The following WDR59 variants were observed in gnomAD, a reference collection of about 807,000 sequenced individuals.
The protein encoded by WDR59 is WD repeat domain 59, also known as GATOR2 complex protein WDR59.
In WDR59, 100 loss-of-function variants were observed where a neutral mutation model predicts 131.2. The observed-to-expected ratio is 0.76, with a 90% CI of 0.65 to 0.90. The LOEUF is 0.90. WDR59 is among the 40% of genes least tolerant of loss of function. The pLI is 0.00. For missense variants in WDR59, 1,203 were observed against 1,262.2 expected (o/e 0.95, Z 0.71); for synonymous variants, 601 against 466.2 (o/e 1.29, Z -3.72).
intron 18 of WDR59, among the ~76,000 whole-genome samples, chr16:74,896,851 GC>G (rs1965319495): frequency 6.6e-6 from 1 of 152,020 alleles, no homozygotes; most frequent in African/African-American, 2.4e-5. Flanking sequence ...GCTAGTATAA[GC>G]CTCACTTACG....
At chr16:74,927,134 C>G (rs1442801896) in intron 8 of WDR59, among the ~76,000 whole-genome samples, 1 of 151,988 alleles carries the variant, frequency 6.6e-6, no homozygotes, top group African/African-American at 2.4e-5. Context: ...CATTTCTGAG[C>G]AGAAGTGTTA....
At chr16:74,937,615 T>A (rs1266496654) in intron 8 of WDR59, among the ~76,000 whole-genome samples, 2 of 152,072 alleles carry the variant, frequency 1.3e-5, no homozygotes, top group Non-Finnish European at 2.9e-5. Context: ...GATTCTTGTG[T>A]CTCAGCCTCC....
At chr16:74,965,690 G>A (rs2033741866) in intron 2 of WDR59, 83 bp downstream of exon 2, 3 of 1,514,272 alleles carry the variant, frequency 2.0e-6, no homozygotes, top group Admixed American at 1.7e-5. Context: ...GTAAATATAA[G>A]AATAGCTTCC....
intron 1 of WDR59, among the ~76,000 whole-genome samples, chr16:74,979,335 G>A (rs1307191629): frequency 2.0e-5 from 3 of 151,720 alleles, no homozygotes; most frequent in Non-Finnish European, 2.9e-5. Flanking sequence ...GCATGGTGGC[G>A]GGCGCCTGTA....
intron 2 of WDR59, chr16:74,959,396 T>C (rs531655427): frequency 1.7e-4 from 59 of 338,092 alleles, no homozygotes; most frequent in African/African-American, 1.2e-3. Context: ...TGCCAGTCGC[T>C]CTTTAGCATT....
intron 17 of WDR59, among the ~76,000 whole-genome samples, chr16:74,906,041 G>A (rs1037339959): frequency 6.6e-5 from 10 of 151,666 alleles, no homozygotes; most frequent in African/African-American, 9.7e-5. Flanking sequence ...ACGGCCGGGC[G>A]CGGTGGCTCA....
At chr16:74,971,425 CCT>C (rs2033977220) in intron 1 of WDR59, among the ~76,000 whole-genome samples, 6 of 136,200 alleles carry the variant, frequency 4.4e-5, no homozygotes, top group African/African-American at 1.8e-4. Context: ...TTCTTTCCTT[CCT>C]TTTTTTTTTT....
At chr16:74,885,465 A>C (rs1298728691) in intron 25 of WDR59, among the ~76,000 whole-genome samples, 188 bp downstream of exon 25, 1 of 151,300 alleles carries the variant, frequency 6.6e-6, no homozygotes, top group African/African-American at 2.4e-5. Context: ...AAAAAAAAAA[A>C]AAAAAAAAAA....
chr16:74,965,655 G>A, intron 2 of WDR59, 118 bp downstream of exon 2: 1 of 1,264,180 alleles, frequency 7.9e-7, no homozygotes, highest in Non-Finnish European at 1.1e-6. Flanking sequence ...CAGGATATCA[G>A]AACTAAACCC....
intron 1 of WDR59, among the ~76,000 whole-genome samples, chr16:74,977,915 G>C (rs1429728964): frequency 6.6e-6 from 1 of 152,108 alleles, no homozygotes; most frequent in East Asian, 1.9e-4. Context: ...ACTAGGCTAA[G>C]CAAAAGACGC....
At chr16:74,978,344 G>A (rs111853426) in intron 1 of WDR59, among the ~76,000 whole-genome samples, 3,775 of 109,300 alleles carry the variant, frequency 0.035, 150 homozygotes, top group Admixed American at 0.11. Context: ...AAAAAAAAAA[G>A]AGCCAGGCCT....
intron 8 of WDR59, among the ~76,000 whole-genome samples, chr16:74,935,718 T>C (rs2031744449): frequency 6.6e-6 from 1 of 152,126 alleles, no homozygotes; most frequent in African/African-American, 2.4e-5. Context: ...GATCATGCTA[T>C]TTACATACAT....
At chr16:74,974,429 A>G (rs867502894) in intron 1 of WDR59, among the ~76,000 whole-genome samples, 2 of 152,076 alleles carry the variant, frequency 1.3e-5, no homozygotes, top group Non-Finnish European at 2.9e-5. Context: ...ACATATACCG[A>G]CCACTACGCT....
intron 18 of WDR59, among the ~76,000 whole-genome samples, chr16:74,903,501 A>G (rs1170499718): frequency 2.0e-5 from 3 of 151,982 alleles, no homozygotes; most frequent in Middle Eastern, 3.4e-3. Flanking sequence ...TAAAAAAAAA[A>G]ACAAAAAACC....
At chr16:74,883,378 G>A (rs113168339) in intron 25 of WDR59, among the ~76,000 whole-genome samples, 2,289 of 152,206 alleles carry the variant, frequency 0.015, 41 homozygotes, top group African/African-American at 0.05. Context: ...CCTGAGCCAC[G>A]TGAGGGTTCT....
intron 18 of WDR59, among the ~76,000 whole-genome samples, chr16:74,896,991 T>C (rs865985152): frequency 7.2e-5 from 11 of 152,320 alleles, no homozygotes; most frequent in Middle Eastern, 3.4e-3. Context: ...TCTTGTTAAC[T>C]TGATTTTCAG....
intron 21 of WDR59, 28 bp from the exon 22 acceptor site, chr16:74,888,347 C>T (rs1272794094): frequency 2.5e-6 from 4 of 1,602,036 alleles, no homozygotes; most frequent in Non-Finnish European, 3.4e-6. Flanking sequence ...GGAAAGAAAA[C>T]AAGTCAGGAG....
At chr16:74,898,130 C>G (rs1482884126) in intron 18 of WDR59, among the ~76,000 whole-genome samples, 2 of 152,206 alleles carry the variant, frequency 1.3e-5, no homozygotes, top group African/African-American at 4.8e-5. Context: ...TGTTTGGAGT[C>G]TCTCTTGTCT....
intron 20 of WDR59, 152 bp downstream of exon 20, chr16:74,892,332 C>G: frequency 1.5e-6 from 1 of 658,308 alleles, no homozygotes; most frequent in Non-Finnish European, 2.5e-6. Context: ...TTTGGAAAGC[C>G]ACTCTAACCC....
Sources: gnomAD v4.1 joint callset for allele counts (sites outside exome capture counted in the v4.1 genomes callset) on GRCh38, gnomAD v4.1.1 for gene constraint, MANE v1.5 for transcripts, NCBI Gene and HGNC (gene_info 2026-07-23, HGNC 2026-07-21) for gene names.